Variants in XPC observed in about 807,000 individuals in gnomAD.
XPC encodes the protein XPC complex subunit, DNA damage recognition and repair factor, also known as DNA repair protein complementing XP-C cells.
A neutral mutation model predicts 95.8 loss-of-function variants in XPC; 76 were observed. The observed-to-expected ratio is 0.79, with a 90% confidence interval of 0.66 to 0.96. The LOEUF (loss-of-function observed/expected upper bound fraction) is 0.96, where lower values mean the gene tolerates loss of function less well. Ranked by LOEUF, XPC falls within the 40% of genes least tolerant of loss-of-function variation. The probability of loss-of-function intolerance (pLI) is 0.00; values close to 1 mark genes in which losing one functional copy is unlikely to be tolerated. For missense variants in XPC, 1,146 were observed against 1,179.8 expected, an observed-to-expected ratio of 0.97 and a Z score of 0.42; for synonymous variants, 442 against 442.1, an observed-to-expected ratio of 1.00 and a Z score of 0.00.
rs752721754 is a variant in XPC at position 14,158,787 on chromosome 3, T to C, written c.1096A>G (p.Thr366Ala). The C allele has an allele frequency of 6.2e-7, 1 of 1,614,024 alleles. No individual in the cohort carries two copies. The highest frequency in any genetic ancestry group is 1.1e-5 in the South Asian group (1 of 91,090). The change falls in exon 9 of 16, where the codon ACC becomes GCC. Residue 366 changes from threonine (T) to alanine (A), a missense_variant. Thr to Ala is a moderately conservative substitution (Grantham distance 58). Coordinates refer to ENST00000285021, the MANE Select transcript of XPC (RefSeq NM_004628.5). This position sits in a 1 kb window ranked among gnomAD's most constrained non-coding sequence, Gnocchi z 5.2. Reference protein sequence around the residue: ...NHTKPKTSKGTKQEETFAKGT... With the variant: ...NHTKPKTSKGAKQEETFAKGT... ...TTAGCAAAGGTTTCCTCTTGTTTGG[T>C]TCCTTTGCTGGTCTTTGGTTTGGTG...
At position 14,166,210 on chromosome 3, in the gene XPC, C is replaced by T. The variant is rs1006741075; in HGVS notation, c.622-625G>A. The stretch of plus-strand genomic sequence containing the variant: ...CCTTCAACATTGGCTTCCTCCCCCC[C>T]GACTAACAGCCTCCCTATTTTAATC... On this transcript the variant is annotated intron_variant, in intron 5 of 15. Transcript: ENST00000285021. Among the ~76,000 whole-genome samples, 4 of 152,112 alleles carry T rather than the reference C, an allele frequency of 2.6e-5. 1 individual carries two copies. Among genetic ancestry groups the T allele is most frequent in the Non-Finnish European group, 5.9e-5 (4 of 68,032 alleles).
At chr3:14,172,550 A>C (rs972913019) in intron 2 of XPC, among the ~76,000 whole-genome samples, 1 of 152,210 alleles carries the variant, frequency 6.6e-6, no homozygotes, top group African/African-American at 2.4e-5. Context: ...TAAAGCTGGA[A>C]TGGCAGGTAA....
At chr3:14,162,812 T>C (rs1696214345) in intron 7 of XPC, among the ~76,000 whole-genome samples, 2 of 152,178 alleles carry the variant, frequency 1.3e-5, no homozygotes. Flanking sequence ...AAGGACTTCA[T>C]CAAGAAAGTA....
chr3:14,149,108 G>C (rs1321938823), intron 11 of XPC, among the ~76,000 whole-genome samples, 160 bp from the exon 12 acceptor site: 1 of 151,230 alleles, frequency 6.6e-6, no homozygotes. Flanking sequence ...TTTTGAGACA[G>C]AGTCTCGCTC....
chr3:14,156,272 A>G, intron 10 of XPC, 63 bp downstream of exon 10: 2 of 1,549,594 alleles, frequency 1.3e-6, no homozygotes, highest in Non-Finnish European at 1.7e-6. Context: ...CTTGCCTAGG[A>G]AGAAGGCTGC....
chr3:14,159,924 G>T, intron 7 of XPC, 94 bp from the exon 8 acceptor site: 1 of 1,248,964 alleles, frequency 8.0e-7, no homozygotes. Context: ...TTCAAGACAG[G>T]GAAAAGCTGG....
chr3:14,178,580 G>C lies in XPC; in HGVS notation c.-12C>G, dbSNP rs1696945165. On this transcript the variant is annotated 5_prime_UTR_variant, in exon 1 of 16. Coordinates refer to ENST00000285021, the MANE Select transcript of XPC (RefSeq NM_004628.5). ...CGTTTCCGAGCCATGTTGCTTGTCTGGGCAAATTCCACTTCGCGAGTGACG... is the reference window on the plus strand; with the variant it reads ...CGTTTCCGAGCCATGTTGCTTGTCTCGGCAAATTCCACTTCGCGAGTGACG... 3 of 1,612,384 alleles carry C rather than the reference G, an allele frequency of 1.9e-6. No homozygotes were observed. The highest frequency in any genetic ancestry group is 2.7e-5 in the African/African-American group (2 of 74,916).
intron 14 of XPC, 56 bp downstream of exon 14, chr3:14,147,852 C>A: frequency 2.7e-6 from 4 of 1,504,776 alleles, no homozygotes; most frequent in Non-Finnish European, 3.6e-6. Context: ...GAAGAGGCCA[C>A]CCGCTGAGTG....
intron 9 of XPC, among the ~76,000 whole-genome samples, chr3:14,157,043 C>T (rs1466792220): frequency 1.3e-5 from 2 of 152,226 alleles, no homozygotes; most frequent in Non-Finnish European, 2.9e-5. Flanking sequence ...TTGCCCTTGG[C>T]ATCTCTTCAA....
In XPC at chr3:14,167,258, A is replaced by C. The variant is rs1696421388; in HGVS notation, c.537-5T>G. On this transcript the variant is annotated splice_region_variant and splice_polypyrimidine_tract_variant and intron_variant, in intron 4 of 15. Coordinates refer to ENST00000285021, the MANE Select transcript of XPC (RefSeq NM_004628.5). ...AACTCCAGTTTTATCTTTTCACTGC[A>C]ACAAATAGTGAAAAATCTGGGAATG... 6.2e-7 allele frequency: 1 copy of C among 1,609,610 alleles called. No homozygotes were observed. The highest frequency in any genetic ancestry group is 1.7e-5 in the Admixed American group (1 of 59,450).
intron 2 of XPC, among the ~76,000 whole-genome samples, chr3:14,171,903 G>GA (rs1696630657): frequency 6.6e-6 from 1 of 152,120 alleles, no homozygotes; most frequent in Non-Finnish European, 1.5e-5. Flanking sequence ...GATCATGGCG[G>GA]AAAATCATCA....
In XPC at chr3:14,156,318, C is replaced by G; in HGVS notation, c.2033+17G>C. The G allele has an allele frequency of 6.2e-7, 1 of 1,605,538 alleles. No homozygotes were observed. Among genetic ancestry groups the G allele is most frequent in the African/African-American group, 1.3e-5 (1 of 74,710 alleles). ...CCATCAGGAAGCCCCTGAGGCCAAC[C>G]AGGCTGCCTCACGCACCTGGAGTAG... On this transcript the variant is annotated intron_variant, in intron 10 of 15. Transcript: ENST00000285021.
chr3:14,178,359 C>A (rs990579214), intron 1 of XPC, 107 bp downstream of exon 1: 1 of 1,295,930 alleles, frequency 7.7e-7, no homozygotes, highest in Non-Finnish European at 1.0e-6. Flanking sequence ...GCGGAACGCG[C>A]GCAGCAACCT....
chr3:14,176,469 T>C (rs1352942371), intron 1 of XPC, among the ~76,000 whole-genome samples: 1 of 152,236 alleles, frequency 6.6e-6, no homozygotes, highest in Non-Finnish European at 1.5e-5. Context: ...ATGTTTTACA[T>C]GTAAATGTCA....
In XPC at chr3:14,173,020, G is replaced by A; in HGVS notation, c.146C>T (p.Ser49Phe). Residue 49 changes from serine (S) to phenylalanine (F), a missense_variant, in exon 2 of 16, where the codon TCC becomes TTC. Transcript: ENST00000285021. ...TTTCCTCTTTCCTTGTGAAACTTTG[G>A]AGAGAAGGCTCTTCTTTGGGGGTTT... ...DEKPPKKSLL[S>F]KVSQGKRKRG... The A allele has an allele frequency of 6.2e-7, 1 of 1,608,516 alleles. No homozygotes were observed. The highest frequency in any genetic ancestry group is 8.5e-7 in the Non-Finnish European group (1 of 1,177,586).
intron 2 of XPC, among the ~76,000 whole-genome samples, chr3:14,171,914 T>A (rs576584391): frequency 6.6e-6 from 1 of 152,102 alleles, no homozygotes. Flanking sequence ...AAAATCATCA[T>A]GCTGTCCCGT....
At chr3:14,146,714 A>T (rs1178662670) in intron 15 of XPC, among the ~76,000 whole-genome samples, 1 of 152,238 alleles carries the variant, frequency 6.6e-6, no homozygotes, top group Non-Finnish European at 1.5e-5. Context: ...GCAAACAGGC[A>T]GCACAGAGGG....
At chr3:14,173,196 GTCT>G (rs1268359622) in intron 1 of XPC, 134 bp from the exon 2 acceptor site, 1 of 831,224 alleles carries the variant, frequency 1.2e-6, no homozygotes, top group Non-Finnish European at 1.7e-6. Context: ...ACCATCCCCT[GTCT>G]GGTCAGCAAC....
intron 5 of XPC, chr3:14,165,862 G>T: frequency 2.7e-6 from 1 of 375,028 alleles, no homozygotes; most frequent in East Asian, 5.3e-5. Context: ...TTTTGTTTTG[G>T]TCTTGTCTTT....
Sources: allele counts gnomAD v4.1 joint callset (sites outside exome capture counted in the v4.1 genomes callset), GRCh38; gene constraint gnomAD v4.1.1; non-coding constraint Gnocchi (gnomAD v3.1); transcripts MANE v1.5; gene names NCBI Gene and HGNC (gene_info 2026-07-23, HGNC 2026-07-21).